HEMK2: variants seen among roughly 807,000 people sequenced by gnomAD.
HEMK2 encodes the protein methyltransferase HEMK2.
the HEMK2 span, among the ~76,000 whole-genome samples, chr21:28,665,328 AT>A: frequency 3.5e-5 from 1 of 28,858 alleles, no homozygotes; most frequent in Non-Finnish European, 6.9e-5. Flanking sequence ...AAACTTATTT[AT>A]ATTTCTTTTT....
the HEMK2 span, among the ~76,000 whole-genome samples, chr21:28,762,168 T>C: frequency 1.3e-5 from 2 of 152,086 alleles, no homozygotes; most frequent in East Asian, 1.9e-4. Flanking sequence ...TGCCTGGGTG[T>C]TGACTCCTGG....
chr21:28,854,931 T>C, the HEMK2 span, among the ~76,000 whole-genome samples: 19 of 152,056 alleles, frequency 1.2e-4, no homozygotes, highest in East Asian at 3.9e-4. Flanking sequence ...ATTACAATCA[T>C]TGACACTATA....
chr21:28,872,936 G>A, the HEMK2 span: 1 of 152,292 alleles, frequency 6.6e-6, no homozygotes, highest in Non-Finnish European at 1.5e-5. Context: ...ACACACTCAA[G>A]ACACTTCAGA....
the HEMK2 span, among the ~76,000 whole-genome samples, chr21:28,782,374 A>G: frequency 1.3e-5 from 2 of 152,220 alleles, no homozygotes; most frequent in Non-Finnish European, 2.9e-5. Context: ...GAATGGACCT[A>G]TATCTTCAGG....
At chr21:28,884,128 ATAAT>A in the HEMK2 span, among the ~76,000 whole-genome samples, 11 of 152,244 alleles carry the variant, frequency 7.2e-5, no homozygotes, top group Non-Finnish European at 1.3e-4. Flanking sequence ...GGTCTCATAA[ATAAT>A]TAGAATTCCA....
At chr21:28,797,449 A>G in the HEMK2 span, among the ~76,000 whole-genome samples, 11 of 146,892 alleles carry the variant, frequency 7.5e-5, no homozygotes, top group Non-Finnish European at 1.5e-4. Context: ...AAACAAAAAA[A>G]AAAAACAAAA....
At chr21:28,701,286 C>G in the HEMK2 span, among the ~76,000 whole-genome samples, 1 of 151,988 alleles carries the variant, frequency 6.6e-6, no homozygotes. Context: ...TACTAGAAGT[C>G]CTTGCCAGAG....
chr21:28,734,535 GAAGTGTAAAACAATTATAAATGAATTGT>G, the HEMK2 span, among the ~76,000 whole-genome samples: 1 of 152,270 alleles, frequency 6.6e-6, no homozygotes, highest in East Asian at 1.9e-4. Flanking sequence ...GTTTTTACAT[GAAGTGTAAAACAATTATAAATGAATTGT>G]TTTTACATGA....
the HEMK2 span, among the ~76,000 whole-genome samples, chr21:28,596,032 C>T: frequency 6.7e-6 from 1 of 148,426 alleles, no homozygotes; most frequent in Admixed American, 6.8e-5. Context: ...GATCTGCCCG[C>T]CTTGGCCTCC....
the HEMK2 span, among the ~76,000 whole-genome samples, chr21:28,747,754 C>T: frequency 1.4e-4 from 22 of 152,202 alleles, no homozygotes; most frequent in Non-Finnish European, 2.6e-4. Flanking sequence ...ATCCTTTGCA[C>T]CAACATGGAT....
At chr21:28,691,823 C>A in the HEMK2 span, among the ~76,000 whole-genome samples, 1 of 152,114 alleles carries the variant, frequency 6.6e-6, no homozygotes, top group Non-Finnish European at 1.5e-5. Context: ...TCTAACAAGA[C>A]AACACTGGAG....
chr21:28,852,425 C>A, the HEMK2 span, among the ~76,000 whole-genome samples: 3 of 152,228 alleles, frequency 2.0e-5, no homozygotes, highest in East Asian at 3.9e-4. Context: ...CTCCATAAGC[C>A]CCTACTTTAA....
chr21:28,827,169 G>C, the HEMK2 span, among the ~76,000 whole-genome samples: 5 of 152,248 alleles, frequency 3.3e-5, no homozygotes, highest in African/African-American at 1.2e-4. Flanking sequence ...CTGCTTTATA[G>C]GTATTTGTAA....
At chr21:28,595,974 C>T in the HEMK2 span, among the ~76,000 whole-genome samples, 11 of 151,402 alleles carry the variant, frequency 7.3e-5, no homozygotes, top group Admixed American at 2.6e-4. Context: ...TTAGTAGAGA[C>T]GGGGTTTCAC....
chr21:28,587,742 T>C, the HEMK2 span, among the ~76,000 whole-genome samples: 1 of 152,180 alleles, frequency 6.6e-6, no homozygotes, highest in Non-Finnish European at 1.5e-5. Flanking sequence ...TCACTTACTA[T>C]ATAATGAAGA....
chr21:28,698,400 G>A, the HEMK2 span, among the ~76,000 whole-genome samples: 1 of 152,030 alleles, frequency 6.6e-6, no homozygotes, highest in East Asian at 1.9e-4. Context: ...AAATAATGTT[G>A]AGCACATTAC....
At chr21:28,648,979 C>T in the HEMK2 span, among the ~76,000 whole-genome samples, 1,603 of 145,008 alleles carry the variant, frequency 0.011, 34 homozygotes, top group African/African-American at 0.04. Context: ...TGTTCCCCTT[C>T]CTGTGTCCAT....
chr21:28,685,297 A>G, the HEMK2 span, among the ~76,000 whole-genome samples: 2 of 152,290 alleles, frequency 1.3e-5, no homozygotes, highest in East Asian at 1.9e-4. Flanking sequence ...TGTACAATAC[A>G]CTATGATATG....
the HEMK2 span, among the ~76,000 whole-genome samples, chr21:28,831,466 A>AGAAAGAAG: frequency 3.6e-5 from 1 of 27,446 alleles, no homozygotes; most frequent in South Asian, 1.3e-3. Context: ...AAAGAACGAA[A>AGAAAGAAG]GAAAGAAAGA....
Sources: allele counts gnomAD v4.1 joint callset (sites outside exome capture counted in the v4.1 genomes callset), GRCh38; gene constraint gnomAD v4.1.1; transcripts MANE v1.5; gene names NCBI Gene and HGNC (gene_info 2026-07-23, HGNC 2026-07-21).